APRT: variants seen among roughly 807,000 people sequenced by gnomAD.
The protein encoded by APRT is adenine phosphoribosyltransferase.
Under a neutral mutation model 21.0 loss-of-function variants are expected in APRT, and 25 were observed. The ratio of observed to expected loss-of-function variants is 1.19; its 90% CI spans 0.87 to 1.66. The LOEUF (loss-of-function observed/expected upper bound fraction) is 1.66, where lower values mean the gene tolerates loss of function less well. Ranked by LOEUF, APRT falls within the 40% of genes most tolerant of loss-of-function variation. APRT has a pLI of 0.00. For missense variants in APRT, 294 were observed against 232.7 expected (o/e 1.26, Z -1.72); for synonymous variants, 153 against 109.0 (o/e 1.40, Z -2.52).
chr16:88,811,802 G>A lies in APRT; in HGVS notation c.80+18C>T, dbSNP rs1909157952. ...GGCCCGCAGGTCGGGGCGCCACGAG[G>A]GCGGCCTGTGCGTGCACCTGAATAC... On this transcript the variant is annotated intron_variant, in intron 1 of 4. Transcript: ENST00000378364. The A allele has an allele frequency of 6.4e-7, 1 of 1,551,766 alleles. No individual in the cohort carries two copies. Among genetic ancestry groups the A allele is most frequent in the African/African-American group, 1.4e-5 (1 of 72,434 alleles).
At position 88,810,543 on chromosome 16, in the gene APRT, T is replaced by C. The variant is rs1202853578; in HGVS notation, c.201A>G (p.Arg67=). Residue 67 remains arginine (R), a synonymous_variant, in exon 3 of 5, where the codon CGA becomes CGG. Coordinates refer to ENST00000378364, the MANE Select transcript of APRT (RefSeq NM_000485.3). ...RIDYIAGLDS[R]GFLFGPSLAQ... Reference sequence around the variant, plus strand: ...CCAGGGAGGGGCCAAAGAGGAAGCCTCGGGAGTCTAGGCCTGTCAGGGTAA... The same window carrying C: ...CCAGGGAGGGGCCAAAGAGGAAGCCCCGGGAGTCTAGGCCTGTCAGGGTAA... 3 of 1,611,598 alleles carry C rather than the reference T, an allele frequency of 1.9e-6. No individual in the cohort carries two copies. The highest frequency in any genetic ancestry group is 2.7e-5 in the African/African-American group (2 of 74,888).
rs1163588411 is a variant in APRT at position 88,811,864 on chromosome 16, C to T, written c.36G>A (p.Arg12=). ...TGGGGAAGTCGGGGAAGCTGCGGATCCGCTGCTCAACCAGCTGCAGCTCGG... is the reference window on the plus strand; with the variant it reads ...TGGGGAAGTCGGGGAAGCTGCGGATTCGCTGCTCAACCAGCTGCAGCTCGG... The part of the protein sequence containing the change: ...ADSELQLVEQ[R]IRSFPDFPTP... Residue 12 remains arginine (R), a synonymous_variant, in exon 1 of 5, where the codon CGG becomes CGA. Coordinates refer to ENST00000378364, the MANE Select transcript of APRT (RefSeq NM_000485.3). 1.9e-6 allele frequency: 3 copies of T among 1,570,962 alleles called. No homozygotes were observed. The highest frequency in any genetic ancestry group is 8.6e-7 in the Non-Finnish European group (1 of 1,160,284).
At position 88,809,791 on chromosome 16, in the gene APRT, G is replaced by A. The variant is rs1421235792; in HGVS notation, c.450C>T (p.Val150=). The change falls in exon 5 of 5, where the codon GTC becomes GTT. Residue 150 remains valine, a synonymous_variant. Coordinates refer to ENST00000378364, the MANE Select transcript of APRT (RefSeq NM_000485.3). Reference sequence around the variant, plus strand: ...GCTCCACCAGGCTCACGCACTCCAGGACCTCAGCCTGCAGGCGGCCCAGCA... The same window carrying A: ...GCTCCACCAGGCTCACGCACTCCAGAACCTCAGCCTGCAGGCGGCCCAGCA... ...CELLGRLQAE[V]LECVSLVELT... 1 of 1,613,128 alleles carries A rather than the reference G, an allele frequency of 6.2e-7. No homozygotes were observed. Among genetic ancestry groups the A allele is most frequent in the East Asian group, 2.2e-5 (1 of 44,886 alleles).
At chr16:88,810,034 T>TG (rs1909053385) in intron 4 of APRT, 36 bp downstream of exon 4, 1 of 1,608,992 alleles carries the variant, frequency 6.2e-7, no homozygotes, top group Non-Finnish European at 8.5e-7. Context: ...ACCAGGCCCT[T>TG]GGAGCCACAG....
intron 4 of APRT, 63 bp from the exon 5 acceptor site, chr16:88,809,903 A>G (rs1909046000): frequency 1.3e-6 from 2 of 1,597,018 alleles, no homozygotes; most frequent in Non-Finnish European, 1.7e-6. Flanking sequence ...GCTCCAGGCC[A>G]GCCCCTGGGT....
Position 88,810,414 on chromosome 16 carries a change from C to T in APRT, c.321+9G>A. ...CCTGCCCTTCCTCTGGCCACCCCAG[C>T]CCTCTTACCTTCCCGTACTCCAGGG... On this transcript the variant is annotated intron_variant, in intron 3 of 4. Coordinates refer to ENST00000378364, the MANE Select transcript of APRT (RefSeq NM_000485.3). 2 of 1,611,444 alleles carry T rather than the reference C, an allele frequency of 1.2e-6. No homozygotes were observed. The highest frequency in any genetic ancestry group is 1.7e-6 in the Non-Finnish European group (2 of 1,179,982).
At position 88,811,610 on chromosome 16, in the gene APRT, T is replaced by C; in HGVS notation, c.127A>G (p.Ile43Val). Residue 43 changes from isoleucine (I) to valine (V), a missense_variant, in exon 2 of 5, where the codon ATC (isoleucine) becomes GTC (valine). Coordinates refer to ENST00000378364, the MANE Select transcript of APRT (RefSeq NM_000485.3). Reference sequence around the variant, plus strand: ...TTCAGGTGTCGCGCCAGGAGGCCGATGGCGGCGCGGAAGGAGGCGGGGTCC... The same window carrying C: ...TTCAGGTGTCGCGCCAGGAGGCCGACGGCGGCGCGGAAGGAGGCGGGGTCC... ...LKDPASFRAA[I>V]GLLARHLKAT... 1 of 1,604,492 alleles carries C rather than the reference T, an allele frequency of 6.2e-7. No individual in the cohort carries two copies. Among genetic ancestry groups the C allele is most frequent in the Non-Finnish European group, 8.5e-7 (1 of 1,176,290 alleles).
chr16:88,809,616 G>T lies in APRT; in HGVS notation c.*82C>A. 1 of 1,592,610 alleles carries T rather than the reference G, an allele frequency of 6.3e-7. No homozygotes were observed. Among genetic ancestry groups the T allele is most frequent in the Non-Finnish European group, 8.6e-7 (1 of 1,163,324 alleles). On this transcript the variant is annotated 3_prime_UTR_variant, in exon 5 of 5. Coordinates refer to ENST00000378364, the MANE Select transcript of APRT (RefSeq NM_000485.3). ...AGGAATGTGTTCCCTGTGGGCAGCC[G>T]GTGCCCCTGGTCACTGCAGTTGCCC...
chr16:88,811,665 A>G lies in APRT; in HGVS notation c.81-9T>C. The G allele has an allele frequency of 6.3e-7, 1 of 1,578,338 alleles. No homozygotes were observed. Among genetic ancestry groups the G allele is most frequent in the Non-Finnish European group, 8.6e-7 (1 of 1,160,778 alleles). On this transcript the variant is annotated splice_polypyrimidine_tract_variant and intron_variant, in intron 1 of 4. Transcript: ENST00000378364. ...GGACGGGCGAGATGTCCCTGGACCC[A>G]AGGACAGGCCTGGTGACGCCGGGGC...
chr16:88,810,776 G>A (rs1260154498), intron 2 of APRT, among the ~76,000 whole-genome samples: 2 of 152,162 alleles, frequency 1.3e-5, no homozygotes, highest in African/African-American at 4.8e-5. Context: ...GTGTTCCTAG[G>A]GGAGTCACCA....
Position 88,810,063 on chromosome 16 carries a change from C to T in APRT, c.400+7G>A. On this transcript the variant is annotated splice_region_variant and intron_variant, in intron 4 of 4. Coordinates refer to ENST00000378364, the MANE Select transcript of APRT (RefSeq NM_000485.3). ...GCCACAGCAGTTGGCTGCGGGGAGA[C>T]CCTTACCACCAGTGGCCAGCAGATC... The T allele has an allele frequency of 6.2e-7, 1 of 1,613,022 alleles. No homozygotes were observed. The highest frequency in any genetic ancestry group is 8.5e-7 in the Non-Finnish European group (1 of 1,180,010).
intron 2 of APRT, 67 bp from the exon 3 acceptor site, chr16:88,810,623 G>A: frequency 6.3e-7 from 1 of 1,576,940 alleles, no homozygotes; most frequent in African/African-American, 1.3e-5. Flanking sequence ...GTTGGCCGGT[G>A]GCAAGGGGTA....
intron 3 of APRT, 58 bp downstream of exon 3, chr16:88,810,365 G>C: frequency 6.2e-7 from 1 of 1,603,526 alleles, no homozygotes; most frequent in Non-Finnish European, 8.5e-7. Context: ...TAGAACTGGG[G>C]GAGAGTGGCC....
In APRT at chr16:88,811,843, G is replaced by A. The variant is rs1024671146; in HGVS notation, c.57C>T (p.Phe19=). The A allele has an allele frequency of 1.3e-6, 2 of 1,572,470 alleles. No individual in the cohort carries two copies. The highest frequency in any genetic ancestry group is 4.7e-5 in the East Asian group (2 of 42,604). The change falls in exon 1 of 5, where the codon TTC becomes TTT. Residue 19 remains phenylalanine (F), a synonymous_variant. Transcript: ENST00000378364. ...VEQRIRSFPD[F]PTPGVVFRDI... Reference sequence around the variant, plus strand: ...ACCTGAATACCACGCCTGGGGTGGGGAAGTCGGGGAAGCTGCGGATCCGCT... The same window carrying A: ...ACCTGAATACCACGCCTGGGGTGGGAAAGTCGGGGAAGCTGCGGATCCGCT...
In APRT at chr16:88,810,514, T is replaced by G; in HGVS notation, c.230A>C (p.Gln77Pro). The change falls in exon 3 of 5, where the codon CAG becomes CCG. Residue 77 changes from glutamine to proline, a missense_variant. Physicochemically the swap from Gln to Pro is moderately conservative, Grantham distance 76 (BLOSUM62 -1). Transcript: ENST00000378364. ...RGFLFGPSLA[Q>P]ELGLGCVLIR... ...GAGCACGCAGCCCAGTCCAAGCTCC[T>G]GGGCCAGGGAGGGGCCAAAGAGGAA... is the stretch of plus-strand genomic sequence containing the variant. The G allele has an allele frequency of 6.2e-7, 1 of 1,612,242 alleles. No homozygotes were observed. Among genetic ancestry groups the G allele is most frequent in the Non-Finnish European group, 8.5e-7 (1 of 1,179,908 alleles).
Position 88,810,103 on chromosome 16 carries a change from C to G in APRT, c.367G>C (p.Val123Leu), listed in dbSNP as rs755599871. The change falls in exon 4 of 5, where the codon GTG becomes CTG. Residue 123 changes from valine to leucine, a missense_variant. Coordinates refer to ENST00000378364, the MANE Select transcript of APRT (RefSeq NM_000485.3). Reference protein sequence around the residue: ...QKDALEPGQRVVVVDDLLATG... With the variant: ...QKDALEPGQRLVVVDDLLATG... ...GCCAGCAGATCATCCACGACGACCA[C>G]CCTCTGTCCTGGCTCCAGGGCGTCT... 1.2e-6 allele frequency: 2 copies of G among 1,613,270 alleles called. No homozygotes were observed. Among genetic ancestry groups the G allele is most frequent in the Non-Finnish European group, 1.7e-6 (2 of 1,179,982 alleles).
chr16:88,810,601 C>T (rs1176082700), intron 2 of APRT, 45 bp from the exon 3 acceptor site: 2 of 1,600,904 alleles, frequency 1.2e-6, no homozygotes, highest in East Asian at 2.2e-5. Flanking sequence ...ATGGGAATCC[C>T]CAGGGGCCAG....
In APRT at chr16:88,810,245, C is replaced by T. The variant is rs1002743528; in HGVS notation, c.322-97G>A. 2.0e-6 allele frequency: 3 copies of T among 1,520,638 alleles called. No individual in the cohort carries two copies. In the South Asian group the frequency reaches 3.4e-5, roughly 17 times the overall value. The allele number at this position is 1,520,638 out of a possible 1,614,324, so 94.2% of individuals were successfully genotyped here. ...CCACCCTAGACCCTGACTCCAACCC[C>T]ACCTTGCTGTTACCTGGCTGTGTGA... On this transcript the variant is annotated intron_variant, in intron 3 of 4. Transcript: ENST00000378364.
At position 88,811,321 on chromosome 16, in the gene APRT, C is replaced by T. The variant is rs955436943; in HGVS notation, c.187+229G>A. The T allele has an allele frequency of 5.5e-5, 32 of 580,984 alleles. No individual in the cohort carries two copies. The African/African-American group carries it at 5.9e-4, about 11-fold the overall frequency. 36.0% of individuals were successfully genotyped at this position (580,984 alleles called of 1,614,324 possible). On this transcript the variant is annotated intron_variant, in intron 2 of 4. Coordinates refer to ENST00000378364, the MANE Select transcript of APRT (RefSeq NM_000485.3). ...CAACTGACCCGGCAACTCGGTCACG[C>T]CTGTCCTGGGCTGGGGACCCGGAAC...
Sources: allele counts gnomAD v4.1 joint callset (sites outside exome capture counted in the v4.1 genomes callset), GRCh38; gene constraint gnomAD v4.1.1; transcripts MANE v1.5; gene names NCBI Gene and HGNC (gene_info 2026-07-23, HGNC 2026-07-21).